The following COL24A1 variants were observed in gnomAD, a reference collection of about 807,000 sequenced individuals.
COL24A1 encodes the protein collagen alpha-1(XXIV) chain.
In COL24A1, 224 loss-of-function variants were observed where a neutral mutation model predicts 253.9. The observed-to-expected ratio is 0.88, with a 90% CI of 0.79 to 0.99. The LOEUF is 0.99. Among genes scored for constraint, COL24A1 ranks in the 50% least tolerant of loss-of-function variants. The pLI is 0.00. For synonymous variants in COL24A1, 685 were observed against 673.7 expected (o/e 1.02, Z -0.26); for missense variants, 2,131 against 2,068.5 (o/e 1.03, Z -0.59).
intron 18 of COL24A1, among the ~76,000 whole-genome samples, chr1:86,018,594 C>G (rs673928): frequency 0.31 from 47,520 of 152,036 alleles, 7,948 homozygotes; most frequent in Middle Eastern, 0.51. Flanking sequence ...TTGACAATCA[C>G]ATATTTAAAA....
chr1:85,859,321 G>A (rs377621485), intron 37 of COL24A1, among the ~76,000 whole-genome samples: 12 of 152,220 alleles, frequency 7.9e-5, no homozygotes, highest in African/African-American at 2.9e-4. Flanking sequence ...ACATTTTAAA[G>A]AACATGCATT....
intron 38 of COL24A1, among the ~76,000 whole-genome samples, chr1:85,848,432 C>T (rs1043590275): frequency 9.2e-5 from 14 of 152,270 alleles, no homozygotes; most frequent in Middle Eastern, 3.4e-3. Context: ...GCCTCAGCCT[C>T]CCAAGTAGCT....
intron 24 of COL24A1, among the ~76,000 whole-genome samples, chr1:85,950,072 C>G (rs1689741124): frequency 6.6e-6 from 1 of 152,182 alleles, no homozygotes; most frequent in Admixed American, 6.5e-5. Context: ...TGCTCAAGAG[C>G]TGACTCTTCT....
chr1:86,086,382 C>A (rs750783805), intron 7 of COL24A1, among the ~76,000 whole-genome samples: 2 of 152,090 alleles, frequency 1.3e-5, no homozygotes, highest in African/African-American at 4.8e-5. Flanking sequence ...TGAGAAACAG[C>A]GTGGCAAGCC....
chr1:86,029,554 A>C (rs182949864), intron 14 of COL24A1, among the ~76,000 whole-genome samples: 135 of 152,188 alleles, frequency 8.9e-4, no homozygotes, highest in African/African-American at 3.1e-3. Flanking sequence ...ATGCTGACTT[A>C]AATTTTACCA....
At chr1:85,792,626 T>G (rs1486862897) in intron 47 of COL24A1, among the ~76,000 whole-genome samples, 1 of 151,824 alleles carries the variant, frequency 6.6e-6, no homozygotes, top group Non-Finnish European at 1.5e-5. Context: ...GAGAATCGCT[T>G]GAGCCCAAGA....
At chr1:85,989,587 C>G (rs1417044042) in intron 19 of COL24A1, among the ~76,000 whole-genome samples, 1 of 152,036 alleles carries the variant, frequency 6.6e-6, no homozygotes, top group Non-Finnish European at 1.5e-5. Flanking sequence ...TCTGAGCATG[C>G]CACTTTGTTA....
chr1:85,920,697 T>C (rs1354073051), intron 24 of COL24A1, among the ~76,000 whole-genome samples: 2 of 151,810 alleles, frequency 1.3e-5, no homozygotes, highest in African/African-American at 2.4e-5. Flanking sequence ...ATGAGGACAA[T>C]ATCATCATTA....
intron 32 of COL24A1, among the ~76,000 whole-genome samples, chr1:85,888,460 A>C (rs1247634272): frequency 6.6e-6 from 1 of 152,048 alleles, no homozygotes; most frequent in African/African-American, 2.4e-5. Flanking sequence ...CAGACATTAT[A>C]CCAGGAAAGG....
At chr1:85,977,400 T>C (rs1250540513) in intron 20 of COL24A1, among the ~76,000 whole-genome samples, 1 of 152,150 alleles carries the variant, frequency 6.6e-6, no homozygotes, top group Non-Finnish European at 1.5e-5. Context: ...GAATTCAGAA[T>C]ATTGATTATT....
At chr1:86,151,137 T>C (rs1244463350) in intron 1 of COL24A1, among the ~76,000 whole-genome samples, 1 of 152,056 alleles carries the variant, frequency 6.6e-6, no homozygotes, top group African/African-American at 2.4e-5. Flanking sequence ...AAAGCGTTTG[T>C]TATTTAACCA....
At chr1:86,071,229 CA>C (rs1168465850) in intron 7 of COL24A1, among the ~76,000 whole-genome samples, 9 of 151,068 alleles carry the variant, frequency 6.0e-5, no homozygotes, top group Admixed American at 1.3e-4. Flanking sequence ...AACCTCAAAC[CA>C]AAAAAACATA....
intron 37 of COL24A1, among the ~76,000 whole-genome samples, chr1:85,850,791 G>A (rs1022051194): frequency 6.6e-6 from 1 of 152,036 alleles, no homozygotes; most frequent in African/African-American, 2.4e-5. Context: ...GCAAATAAGA[G>A]AATGCATGTA....
chr1:86,133,254 G>C (rs1300919853), intron 2 of COL24A1, among the ~76,000 whole-genome samples: 1 of 152,034 alleles, frequency 6.6e-6, no homozygotes, highest in African/African-American at 2.4e-5. Flanking sequence ...ATTTGGGGCT[G>C]AGACGATGGG....
chr1:86,061,780 T>C (rs368356586), intron 8 of COL24A1, among the ~76,000 whole-genome samples: 2 of 152,022 alleles, frequency 1.3e-5, no homozygotes, highest in Admixed American at 6.6e-5. Context: ...CATTTAAAGA[T>C]AGATTTTTTT....
intron 32 of COL24A1, among the ~76,000 whole-genome samples, chr1:85,886,699 A>T (rs1484355528): frequency 6.6e-6 from 1 of 152,044 alleles, no homozygotes; most frequent in African/African-American, 2.4e-5. Context: ...TAAATTTTAG[A>T]CTACTTGCTT....
At chr1:86,044,983 ATTTTTATTTTTG>A (rs1699787577) in intron 12 of COL24A1, among the ~76,000 whole-genome samples, 1 of 151,866 alleles carries the variant, frequency 6.6e-6, no homozygotes, top group Non-Finnish European at 1.5e-5. Flanking sequence ...TTTTTAATTT[ATTTTTATTTTTG>A]TTTTTATTTT....
chr1:85,736,895 C>T (rs927364759), intron 58 of COL24A1, among the ~76,000 whole-genome samples: 25 of 152,010 alleles, frequency 1.6e-4, no homozygotes, highest in Non-Finnish European at 3.2e-4. Flanking sequence ...TCGTTCTAAA[C>T]GTTTGATTTA....
At chr1:85,934,816 G>A (rs1688114225) in intron 24 of COL24A1, among the ~76,000 whole-genome samples, 1 of 151,906 alleles carries the variant, frequency 6.6e-6, no homozygotes, top group African/African-American at 2.4e-5. Context: ...GGCCCACAAA[G>A]CCCAAGTCAT....
Sources: gnomAD v4.1 joint callset for allele counts (sites outside exome capture counted in the v4.1 genomes callset) on GRCh38, gnomAD v4.1.1 for gene constraint, MANE v1.5 for transcripts, NCBI Gene and HGNC (gene_info 2026-07-23, HGNC 2026-07-21) for gene names.